The following GRM8 variants were observed in gnomAD, a reference collection of about 807,000 sequenced individuals.
GRM8 encodes metabotropic glutamate receptor 8.
Under a neutral mutation model 87.2 loss-of-function variants are expected in GRM8, and 47 were observed. That is an observed-to-expected ratio of 0.54 (90% CI 0.43 to 0.69). GRM8 has a LOEUF of 0.69. GRM8 is among the 30% of genes least tolerant of loss of function. The pLI, the probability that GRM8 is intolerant of heterozygous loss-of-function variation, is 0.00. For synonymous variants in GRM8, 396 were observed against 404.5 expected (o/e 0.98, Z 0.25); for missense variants, 1,019 against 1,139.2 (o/e 0.89, Z 1.52).
chr7:126,901,994 A>G (rs1802127856), intron 6 of GRM8, among the ~76,000 whole-genome samples: 1 of 148,674 alleles, frequency 6.7e-6, no homozygotes. Context: ...AAATAAATAT[A>G]GTTTTAATCA....
chr7:126,730,500 TG>T (rs1284729332), intron 7 of GRM8, among the ~76,000 whole-genome samples: 3 of 152,050 alleles, frequency 2.0e-5, no homozygotes, highest in Non-Finnish European at 2.9e-5. Flanking sequence ...GGGTAGACTG[TG>T]GGGGGACCTG....
At chr7:127,046,789 C>A (rs532542373) in intron 3 of GRM8, among the ~76,000 whole-genome samples, 1 of 151,986 alleles carries the variant, frequency 6.6e-6, no homozygotes, top group Non-Finnish European at 1.5e-5. Context: ...CTCTTTCTTG[C>A]CCTATTGTAT....
chr7:126,510,417 T>C (rs1449157284), intron 9 of GRM8, among the ~76,000 whole-genome samples: 1 of 152,054 alleles, frequency 6.6e-6, no homozygotes, highest in African/African-American at 2.4e-5. Context: ...CTGAGAGAAC[T>C]GACCTGTGCT....
chr7:126,617,439 T>C (rs1419096803), intron 7 of GRM8, among the ~76,000 whole-genome samples: 2 of 152,128 alleles, frequency 1.3e-5, no homozygotes, highest in African/African-American at 2.4e-5. Context: ...GGGCAAAAAC[T>C]GGAAGCATTC....
chr7:126,786,777 T>C (rs1820669458), intron 6 of GRM8, among the ~76,000 whole-genome samples: 1 of 152,146 alleles, frequency 6.6e-6, no homozygotes, highest in Non-Finnish European at 1.5e-5. Context: ...ATTCAAAAGT[T>C]CTCAAAAGTT....
chr7:126,694,042 C>A (rs1239011266), intron 7 of GRM8, among the ~76,000 whole-genome samples: 1 of 151,718 alleles, frequency 6.6e-6, no homozygotes, highest in Non-Finnish European at 1.5e-5. Flanking sequence ...TTAAACGTTT[C>A]TCTTATATTT....
At chr7:127,004,704 C>T (rs540800734) in intron 3 of GRM8, among the ~76,000 whole-genome samples, 2 of 151,710 alleles carry the variant, frequency 1.3e-5, no homozygotes, top group South Asian at 4.1e-4. Context: ...TTTACCTATA[C>T]ATATAAACAC....
At chr7:126,749,927 T>C (rs1194786792) in intron 7 of GRM8, among the ~76,000 whole-genome samples, 2 of 152,194 alleles carry the variant, frequency 1.3e-5, no homozygotes, top group African/African-American at 4.8e-5. Flanking sequence ...GAAAACAGTT[T>C]GTCAGTCTCT....
At chr7:126,995,307 C>T (rs1586702986) in intron 3 of GRM8, among the ~76,000 whole-genome samples, 1 of 152,322 alleles carries the variant, frequency 6.6e-6, no homozygotes, top group East Asian at 1.9e-4. Context: ...CACAGACAAA[C>T]ATCCAGAAGT....
At chr7:126,729,271 C>A (rs1411290937) in intron 7 of GRM8, among the ~76,000 whole-genome samples, 2 of 152,170 alleles carry the variant, frequency 1.3e-5, no homozygotes, top group Non-Finnish European at 2.9e-5. Flanking sequence ...TACCTGCAAT[C>A]TGTAGCCAGA....
At chr7:126,547,072 T>C (rs1817238978) in intron 8 of GRM8, among the ~76,000 whole-genome samples, 1 of 152,216 alleles carries the variant, frequency 6.6e-6, no homozygotes, top group Non-Finnish European at 1.5e-5. Context: ...TGAAGATTCA[T>C]CTTTGGGAAT....
At chr7:127,240,711 G>A (rs1305550290) in intron 2 of GRM8, among the ~76,000 whole-genome samples, 1 of 152,148 alleles carries the variant, frequency 6.6e-6, no homozygotes. Context: ...CTTGGAGCAG[G>A]TGAGGAGGGA....
chr7:126,616,439 G>A (rs1473189964), intron 7 of GRM8, among the ~76,000 whole-genome samples: 9 of 152,084 alleles, frequency 5.9e-5, no homozygotes, highest in South Asian at 2.1e-4. Flanking sequence ...ATCTAAAATC[G>A]ACACCCTAAC....
intron 2 of GRM8, among the ~76,000 whole-genome samples, chr7:127,141,776 G>A (rs1417980994): frequency 6.6e-6 from 1 of 152,120 alleles, no homozygotes. Flanking sequence ...TTTATAACAG[G>A]TTACTGTTTG....
chr7:126,717,123 G>C (rs1811847011), intron 7 of GRM8, among the ~76,000 whole-genome samples: 1 of 152,150 alleles, frequency 6.6e-6, no homozygotes. Context: ...TCTATTAGAG[G>C]GTCATGATTG....
At chr7:126,514,814 T>C (rs1811941182) in intron 9 of GRM8, among the ~76,000 whole-genome samples, 2 of 152,062 alleles carry the variant, frequency 1.3e-5, no homozygotes, top group Admixed American at 1.3e-4. Flanking sequence ...TAAATATTAT[T>C]TGGAGGGGTT....
chr7:126,777,629 T>C (rs996898391), intron 6 of GRM8, among the ~76,000 whole-genome samples: 1 of 152,180 alleles, frequency 6.6e-6, no homozygotes, highest in Non-Finnish European at 1.5e-5. Context: ...TTAAAGACAA[T>C]AGTGTAGTAG....
At chr7:126,629,382 A>G in intron 7 of GRM8, among the ~76,000 whole-genome samples, 1 of 152,186 alleles carries the variant, frequency 6.6e-6, no homozygotes, top group Middle Eastern at 3.2e-3. Context: ...TCAGGCAGAA[A>G]GTCACCTCTT....
In GRM8 at chr7:126,632,562, A is replaced by G. The variant is rs184295701; in HGVS notation, c.1358-23064T>C. Among the ~76,000 whole-genome samples, 878 of 152,290 alleles carry G rather than the reference A, an allele frequency of 5.8e-3. 6 individuals carry two copies. Among genetic ancestry groups the G allele is most frequent in the African/African-American group, 0.02 (842 of 41,570 alleles). On this transcript the variant is annotated intron_variant, in intron 7 of 10. Transcript: ENST00000339582. Reference sequence around the variant, plus strand: ...TACCCAAAGGAATATAAATTATTCTATTACAAAGATACCTGCACACATATG... The same window carrying G: ...TACCCAAAGGAATATAAATTATTCTGTTACAAAGATACCTGCACACATATG...
Sources: gnomAD v4.1 joint callset for allele counts (sites outside exome capture counted in the v4.1 genomes callset) on GRCh38, gnomAD v4.1.1 for gene constraint, MANE v1.5 for transcripts, NCBI Gene and HGNC (gene_info 2026-07-23, HGNC 2026-07-21) for gene names.